The following HNRNPU variants were observed in gnomAD, a reference collection of about 807,000 sequenced individuals.
HNRNPU encodes the protein heterogeneous nuclear ribonucleoprotein U.
In HNRNPU, 5 loss-of-function variants were observed where a neutral mutation model predicts 94.7. The ratio of observed to expected loss-of-function variants is 0.05; its 90% CI spans 0.03 to 0.11. The LOEUF (loss-of-function observed/expected upper bound fraction) is 0.11, where lower values mean the gene tolerates loss of function less well. Among genes scored for constraint, HNRNPU ranks in the 10% least tolerant of loss-of-function variants. HNRNPU has a pLI of 1.00. For synonymous variants in HNRNPU, 434 were observed against 381.6 expected, an observed-to-expected ratio of 1.14 and a Z score of -1.60; for missense variants, 710 against 1,049.2, an observed-to-expected ratio of 0.68 and a Z score of 4.47.
At chr1:244,859,455 G>A (rs564646070) in intron 4 of HNRNPU, 81 bp from the exon 5 acceptor site, 38 of 686,480 alleles carry the variant, frequency 5.5e-5, no homozygotes, top group Middle Eastern at 3.1e-4. Flanking sequence ...ATTGCGCCAC[G>A]GGCTAATCTT....
chr1:244,854,737 A>T (rs1680634132), intron 13 of HNRNPU: 1 of 535,488 alleles, frequency 1.9e-6, no homozygotes, highest in African/African-American at 1.9e-5. Flanking sequence ...CTAGCAGTAA[A>T]AGAACTGTAT....
At position 244,864,169 on chromosome 1, in the gene HNRNPU, C is replaced by A. The variant is rs763955551; in HGVS notation, c.139G>T (p.Ala47Ser). The change falls in exon 1 of 14, where the codon GCC (alanine) becomes TCC (serine). Residue 47 changes from alanine to serine, a missense_variant. Coordinates refer to ENST00000640218, the MANE Select transcript of HNRNPU (RefSeq NM_031844.3). The part of the protein sequence containing the change: ...RLQAALDDEE[A>S]GGRPAMEPGN... ...GGCTCCATGGCGGGGCGGCCCCCGGCCTCCTCGTCGTCCAGCGCAGCCTGG... is the reference window on the plus strand; with the variant it reads ...GGCTCCATGGCGGGGCGGCCCCCGGACTCCTCGTCGTCCAGCGCAGCCTGG... 52 of 1,606,202 alleles carry A rather than the reference C, an allele frequency of 3.2e-5. No homozygotes were observed. Among genetic ancestry groups the A allele is most frequent in the Non-Finnish European group, 4.2e-5 (49 of 1,176,824 alleles).
chr1:244,855,795 C>A, intron 11 of HNRNPU, 109 bp downstream of exon 11: 1 of 1,339,856 alleles, frequency 7.5e-7, no homozygotes, highest in Non-Finnish European at 1.0e-6. Flanking sequence ...ACTTTAGTTA[C>A]TGTGACAGTA....
In HNRNPU at chr1:244,864,265, C is replaced by G; in HGVS notation, c.43G>C (p.Glu15Gln). 1.9e-6 allele frequency: 3 copies of G among 1,613,376 alleles called. No individual in the cohort carries two copies. The highest frequency in any genetic ancestry group is 2.5e-6 in the Non-Finnish European group (3 of 1,179,806). The change falls in exon 1 of 14, where the codon GAG becomes CAG. Residue 15 changes from glutamate to glutamine, a missense_variant. Physicochemically the swap from Glu to Gln is conservative, Grantham distance 29. Transcript: ENST00000640218. The stretch of plus-strand genomic sequence containing the variant: ...CGCTTCTTGAGCTCCTCTTTCAGCT[C>G]CGACACCTTCAGCTTTTTTACATTA... ...PVNVKKLKVS[E>Q]LKEELKKRRL...
chr1:244,854,853 C>T, intron 13 of HNRNPU, 120 bp downstream of exon 13: 1 of 840,952 alleles, frequency 1.2e-6, no homozygotes, highest in Non-Finnish European at 2.0e-6. Context: ...ACGATTCACA[C>T]TTTACCCTAT....
rs1392534883 is a variant in HNRNPU at position 244,859,108 on chromosome 1, A to T, written c.1117+167T>A. 9 of 580,588 alleles carry T rather than the reference A, an allele frequency of 1.6e-5. No individual in the cohort carries two copies. The Admixed American group carries it at 3.0e-4, about 20-fold the overall frequency. 36.0% of individuals were successfully genotyped at this position (580,588 alleles called of 1,614,324 possible). On this transcript the variant is annotated intron_variant, in intron 5 of 13. Transcript: ENST00000640218. Reference sequence around the variant, plus strand: ...CATAAACTTCTAATAAAGGAACAAAAACTAAAATGTAGCCTGTGCCTACTA... The same window carrying T: ...CATAAACTTCTAATAAAGGAACAAATACTAAAATGTAGCCTGTGCCTACTA...
Position 244,858,052 on chromosome 1 carries a change from C to G in HNRNPU, c.1453G>C (p.Val485Leu). The change falls in exon 7 of 14, where the codon GTT (valine) becomes CTT (leucine). Residue 485 changes from valine to leucine, a missense_variant. Coordinates refer to ENST00000640218, the MANE Select transcript of HNRNPU (RefSeq NM_031844.3). ...FIQNVPLEDR[V>L]RGPKGPEEKK... is the part of the protein sequence containing the mutation. ...TCTTCAGGCCCCTTTGGTCCTCTAA[C>G]TCGATCCTCTAAGGGGACGTTCTGG... 2 of 1,613,678 alleles carry G rather than the reference C, an allele frequency of 1.2e-6. No homozygotes were observed. The highest frequency in any genetic ancestry group is 1.7e-6 in the Non-Finnish European group (2 of 1,179,926).
chr1:244,861,216 C>A (rs1680817094), intron 3 of HNRNPU: 1 of 152,120 alleles, frequency 6.6e-6, no homozygotes, highest in Non-Finnish European at 1.5e-5. Context: ...TTTTACTGAT[C>A]AGAGAAAAAT....
At position 244,851,545 on chromosome 1, in the gene HNRNPU, A is replaced by G. The variant is rs1290856781; in HGVS notation, c.*2905T>C. ...TGGTTATGTTTCCTAGAATAATTTT[A>G]TAACTTTTTCAGAGAATTCCTTTAA... On this transcript the variant is annotated 3_prime_UTR_variant, in exon 14 of 14. Transcript: ENST00000640218. 1 of 152,240 alleles carries G rather than the reference A, an allele frequency of 6.6e-6. No homozygotes were observed. The highest frequency in any genetic ancestry group is 2.4e-5 in the African/African-American group (1 of 41,478). The allele number at this position is 152,240 out of a possible 1,614,324, so 9.4% of individuals were successfully genotyped here.
rs565163579 is a variant in HNRNPU at position 244,856,273 on chromosome 1, C to A, written c.1913-115G>T. On this transcript the variant is annotated intron_variant, in intron 10 of 13. Transcript: ENST00000640218. ...TATTTTCCTAAAAATAAAAACAGAC[C>A]AAACATATATGCATATGTAACAACT... The A allele has an allele frequency of 2.4e-5, 29 of 1,213,596 alleles. No homozygotes were observed. The South Asian group carries it at 4.2e-4, about 18-fold the overall frequency. 75.2% of individuals were successfully genotyped at this position (1,213,596 alleles called of 1,614,324 possible).
At position 244,858,036 on chromosome 1, in the gene HNRNPU, C is replaced by T; in HGVS notation, c.1469G>A (p.Gly490Glu). 1 of 1,610,356 alleles carries T rather than the reference C, an allele frequency of 6.2e-7. No homozygotes were observed. The highest frequency in any genetic ancestry group is 8.5e-7 in the Non-Finnish European group (1 of 1,178,970). Residue 490 changes from glycine (G) to glutamate (E), a missense_variant, in exon 7 of 14, where the codon GGG becomes GAG. Around this residue, in one of 8 missense-constraint regions of HNRNPU, gnomAD observed 150 missense variants for 187.9 expected, o/e 0.80. Coordinates refer to ENST00000640218, the MANE Select transcript of HNRNPU (RefSeq NM_031844.3). The stretch of plus-strand genomic sequence containing the variant: ...TTCACAATCTTTCTTCTCTTCAGGC[C>T]CCTTTGGTCCTCTAACTCGATCCTC... Reference protein sequence around the residue: ...PLEDRVRGPKGPEEKKDCEVV... With the variant: ...PLEDRVRGPKEPEEKKDCEVV...
Position 244,851,270 on chromosome 1 carries a change from A to G in HNRNPU, c.*3180T>C, listed in dbSNP as rs187978986. On this transcript the variant is annotated 3_prime_UTR_variant, in exon 14 of 14. Transcript: ENST00000640218. ...TTTATTCTAGTTTTTTAAAAATCAAATATACAAGATCTACAATTATTTATA... is the reference window on the plus strand; with the variant it reads ...TTTATTCTAGTTTTTTAAAAATCAAGTATACAAGATCTACAATTATTTATA... 5.3e-5 allele frequency: 8 copies of G among 152,356 alleles called. No homozygotes were observed. Among genetic ancestry groups the G allele is most frequent in the Admixed American group, 5.2e-4 (8 of 15,306 alleles). 9.4% of individuals were successfully genotyped at this position (152,356 alleles called of 1,614,324 possible).
intron 13 of HNRNPU, 60 bp downstream of exon 13, chr1:244,854,913 A>G (rs571652197): frequency 3.9e-6 from 5 of 1,296,752 alleles, no homozygotes; most frequent in Admixed American, 3.4e-5. Flanking sequence ...TTCAAGACTG[A>G]TAAATCTTAG....
Position 244,851,242 on chromosome 1 carries a change from C to G in HNRNPU, c.*3208G>C, listed in dbSNP as rs1008146616. On this transcript the variant is annotated 3_prime_UTR_variant, in exon 14 of 14. Transcript: ENST00000640218. The stretch of plus-strand genomic sequence containing the variant: ...GACTCTAAGATATGTTTATGCCTCT[C>G]TGTTTATTCTAGTTTTTTAAAAATC... 2 of 152,092 alleles carry G rather than the reference C, an allele frequency of 1.3e-5. No homozygotes were observed. Among genetic ancestry groups the G allele is most frequent in the Non-Finnish European group, 2.9e-5 (2 of 67,994 alleles). The allele number at this position is 152,092 out of a possible 1,614,324, so 9.4% of individuals were successfully genotyped here.
In HNRNPU at chr1:244,863,660, C is replaced by T. The variant is rs1468798144; in HGVS notation, c.648G>A (p.Ala216=). 1.3e-6 allele frequency: 2 copies of T among 1,558,026 alleles called. No homozygotes were observed. The highest frequency in any genetic ancestry group is 5.0e-5 in the East Asian group (2 of 40,270). The change falls in exon 1 of 14, where the codon GCG becomes GCA. Residue 216 remains alanine, a synonymous_variant. Transcript: ENST00000640218. ...GQQQAGGKKK[A]EGGGGGGRPG... ...GGCGACCGCCGCCTCCGCCGCCTTC[C>T]GCCTTCTTCTTACCTCCCGCCTGCT...
At chr1:244,862,887 T>C (rs1237127888) in intron 1 of HNRNPU, 157 bp from the exon 2 acceptor site, 1 of 662,106 alleles carries the variant, frequency 1.5e-6, no homozygotes, top group Admixed American at 2.6e-5. Flanking sequence ...CAACTACGAA[T>C]TCGATTGGCG....
chr1:244,857,046 T>C (rs897689459), intron 8 of HNRNPU, 190 bp from the exon 9 acceptor site: 1 of 473,008 alleles, frequency 2.1e-6, no homozygotes, highest in Non-Finnish European at 3.7e-6. Context: ...CTCAATTCTT[T>C]TTAGCTGCTA....
At chr1:244,856,416 A>G (rs1395371934) in intron 10 of HNRNPU, 41 bp downstream of exon 10, 1 of 1,566,468 alleles carries the variant, frequency 6.4e-7, no homozygotes, top group South Asian at 1.2e-5. Flanking sequence ...CATTCTTTTA[A>G]AAAGAAGATT....
chr1:244,855,565 T>C lies in HNRNPU; in HGVS notation c.2211A>G (p.Pro737=). 2.5e-6 allele frequency: 4 copies of C among 1,613,796 alleles called. No individual in the cohort carries two copies. Among genetic ancestry groups the C allele is most frequent in the Non-Finnish European group, 3.4e-6 (4 of 1,179,884 alleles). ...TTCCTCCACCGCCACCACCTCTCTG[T>C]GGCATGTTGCCCCTCCTATTATATC... ...RGGYNRRGNM[P]QRGGGGGGSG... is the part of the protein sequence containing the mutation. The change falls in exon 12 of 14, where the codon CCA becomes CCG. Residue 737 remains proline (P), a synonymous_variant. Coordinates refer to ENST00000640218, the MANE Select transcript of HNRNPU (RefSeq NM_031844.3).
Sources: gnomAD v4.1 joint callset for allele counts on GRCh38, gnomAD v4.1.1 for gene constraint, gnomAD v4.1.1 regional missense constraint, MANE v1.5 for transcripts, NCBI Gene and HGNC (gene_info 2026-07-23, HGNC 2026-07-21) for gene names.